Variants in DNAAF11 observed in about 807,000 individuals in gnomAD.
DNAAF11 encodes leucine rich repeat containing 6.
DNAAF11 carries 45 observed loss-of-function variants against 60.8 expected under a neutral mutation model. The observed-to-expected ratio is 0.74, with a 90% CI of 0.58 to 0.95. DNAAF11 has a LOEUF of 0.95. Ranked by LOEUF, DNAAF11 falls within the 40% of genes least tolerant of loss-of-function variation. The probability of loss-of-function intolerance (pLI) is 0.00; values close to 1 mark genes in which losing one functional copy is unlikely to be tolerated. For missense variants in DNAAF11, 546 were observed against 546.2 expected, an observed-to-expected ratio of 1.00 and a Z score of 0.00; for synonymous variants, 191 against 183.5, an observed-to-expected ratio of 1.04 and a Z score of -0.33.
At chr8:132,612,665 G>C (rs1210473039) in intron 8 of DNAAF11, among the ~76,000 whole-genome samples, 5 of 152,136 alleles carry the variant, frequency 3.3e-5, no homozygotes, top group Admixed American at 2.6e-4. Context: ...AGGAGATCAT[G>C]ACTGGGGAGA....
the DNAAF11 span, among the ~76,000 whole-genome samples, chr8:132,694,253 G>T: frequency 6.6e-6 from 1 of 152,190 alleles, no homozygotes; most frequent in Non-Finnish European, 1.5e-5. Flanking sequence ...GAAAGGAATT[G>T]TTGTGGACTC....
Position 132,637,971 on chromosome 8 carries a change from A to G in DNAAF11, c.393T>C (p.Tyr131=). 1.9e-6 allele frequency: 3 copies of G among 1,614,036 alleles called. No homozygotes were observed. Among genetic ancestry groups the G allele is most frequent in the Non-Finnish European group, 2.5e-6 (3 of 1,179,930 alleles). ...MGNPCASFDH[Y]REFVVATLPQ... is the part of the protein sequence containing the mutation. ...GAAGAGTTGCTACCACGAACTCCCTATAGTGGTCAAAGGAAGCACATGGGT... is the reference window on the plus strand; with the variant it reads ...GAAGAGTTGCTACCACGAACTCCCTGTAGTGGTCAAAGGAAGCACATGGGT... The change falls in exon 4 of 12, where the codon TAT becomes TAC. Residue 131 remains tyrosine, a synonymous_variant. Coordinates refer to ENST00000620350, the MANE Select transcript of DNAAF11 (RefSeq NM_012472.6).
chr8:132,680,535 A>G (rs1237683880), upstream of DNAAF11, among the ~76,000 whole-genome samples: 1 of 152,110 alleles, frequency 6.6e-6, no homozygotes, highest in Non-Finnish European at 1.5e-5. Context: ...TGTAACCAAT[A>G]TTGTGACTAG....
chr8:132,696,691 A>G, the DNAAF11 span, among the ~76,000 whole-genome samples: 1 of 152,228 alleles, frequency 6.6e-6, no homozygotes, highest in African/African-American at 2.4e-5. Context: ...CATATACACC[A>G]TGGAATACTA....
At chr8:132,572,595 G>A in intron 11 of DNAAF11, 115 bp from the exon 12 acceptor site, 1 of 645,220 alleles carries the variant, frequency 1.5e-6, no homozygotes, top group Non-Finnish European at 2.6e-6. Flanking sequence ...TATGCCTGGA[G>A]CACAGAAATA....
At chr8:132,692,652 A>C in the DNAAF11 span, among the ~76,000 whole-genome samples, 1 of 152,188 alleles carries the variant, frequency 6.6e-6, no homozygotes, top group African/African-American at 2.4e-5. Context: ...TGCCTTGTGA[A>C]GGTGCTCAAA....
chr8:132,619,159 G>A (rs1819500981), intron 7 of DNAAF11, among the ~76,000 whole-genome samples: 1 of 152,182 alleles, frequency 6.6e-6, no homozygotes, highest in African/African-American at 2.4e-5. Flanking sequence ...GGACACGGAT[G>A]AAACTGGAAA....
chr8:132,674,722 C>T (rs558704697), intron 1 of DNAAF11, among the ~76,000 whole-genome samples: 1 of 152,292 alleles, frequency 6.6e-6, no homozygotes, highest in African/African-American at 2.4e-5. Flanking sequence ...AACCCCGTCT[C>T]TACTAAGAAT....
At chr8:132,676,831 G>T (rs1296332446), upstream of DNAAF11, among the ~76,000 whole-genome samples, 2 of 152,144 alleles carry the variant, frequency 1.3e-5, no homozygotes, top group Non-Finnish European at 2.9e-5. Context: ...GAACTGAACT[G>T]GAAGAGTGGG....
At position 132,674,046 on chromosome 8, in the gene DNAAF11, A is replaced by AAGGAGCAGGAGGAGG. The variant is rs1349733182; in HGVS notation, c.10+1423_10+1437dup. Among the ~76,000 whole-genome samples the AAGGAGCAGGAGGAGG allele has an allele frequency of 8.1e-4, 83 of 102,004 alleles. 2 individuals carry two copies. Among genetic ancestry groups the AAGGAGCAGGAGGAGG allele is most frequent in the East Asian group, 3.5e-3 (11 of 3,140 alleles). 66.9% of individuals were successfully genotyped at this position (102,004 alleles called of 152,430 possible). On this transcript the variant is annotated intron_variant, in intron 1 of 11. Coordinates refer to ENST00000620350, the MANE Select transcript of DNAAF11 (RefSeq NM_012472.6). ...GAAGGAGCAGGAGGAGCAGGAGCAG[A>AAGGAGCAGGAGGAGG]AGGAGCAGGAGGAGGAGGAGCAGGA...
chr8:132,597,945 T>C (rs533898551), intron 10 of DNAAF11, among the ~76,000 whole-genome samples: 6 of 152,298 alleles, frequency 3.9e-5, no homozygotes, highest in African/African-American at 1.4e-4. Flanking sequence ...AGTAGAAATA[T>C]TGGGAACAAA....
chr8:132,661,562 G>A lies in DNAAF11; in HGVS notation c.76C>T (p.Leu26Phe). The change falls in exon 2 of 12, where the codon CTC becomes TTC. Residue 26 changes from leucine to phenylalanine, a missense_variant. Physicochemically the swap from Leu to Phe is conservative, Grantham distance 22 (BLOSUM62 0). Transcript: ENST00000620350. ...NDCVIFSLEE[L>F]SLHQQEIERL... is the part of the protein sequence containing the mutation. ...TCTATTTCTTGCTGATGCAACGAGA[G>A]TTCCTCCAGGGAAAAAATGACACAG... 1 of 1,613,970 alleles carries A rather than the reference G, an allele frequency of 6.2e-7. No individual in the cohort carries two copies. The highest frequency in any genetic ancestry group is 8.5e-7 in the Non-Finnish European group (1 of 1,179,900).
chr8:132,674,144 GGAA>G (rs1324290006), intron 1 of DNAAF11, among the ~76,000 whole-genome samples: 27 of 128,390 alleles, frequency 2.1e-4, no homozygotes, highest in South Asian at 5.1e-4. Context: ...AGAAGGAGGA[GGAA>G]GAGGAGGAGG....
the DNAAF11 span, among the ~76,000 whole-genome samples, chr8:132,685,684 G>C: frequency 6.6e-6 from 1 of 152,200 alleles, no homozygotes; most frequent in Non-Finnish European, 1.5e-5. Flanking sequence ...GCCCCTTCCA[G>C]CTTAGAGAGA....
rs560301482 is a variant in DNAAF11, at chr8:132,649,925, G to A, written c.256+6905C>T. On this transcript the variant is annotated intron_variant, in intron 3 of 11. Transcript: ENST00000620350. ...ACACTTCTACACTGTTAGTGGGACT[G>A]TAAACTAGTTCAACCATTGTGGAAG... Among the ~76,000 whole-genome samples, 3 of 152,338 alleles carry A rather than the reference G, an allele frequency of 2.0e-5. No homozygotes were observed. The South Asian group carries it at 6.2e-4, about 32-fold the overall frequency.
intron 10 of DNAAF11, among the ~76,000 whole-genome samples, chr8:132,599,765 G>A (rs940686902): frequency 6.6e-6 from 1 of 152,082 alleles, no homozygotes; most frequent in African/African-American, 2.4e-5. Flanking sequence ...GGTATTGATG[G>A]GACGTATCTC....
Position 132,645,241 on chromosome 8 carries a change from G to A in DNAAF11, c.257-7134C>T, listed in dbSNP as rs187909973. Among the ~76,000 whole-genome samples, 1,027 of 152,280 alleles carry A rather than the reference G, an allele frequency of 6.7e-3. 3 individuals carry two copies. Among genetic ancestry groups the A allele is most frequent in the Non-Finnish European group, 0.011 (766 of 68,026 alleles). Reference sequence around the variant, plus strand: ...AAACAGGGTCTGGAGTGGACCTCCAGCAAACTCCAACAGACCTGCAGCTGA... The same window carrying A: ...AAACAGGGTCTGGAGTGGACCTCCAACAAACTCCAACAGACCTGCAGCTGA... On this transcript the variant is annotated intron_variant, in intron 3 of 11. Transcript: ENST00000620350.
At chr8:132,611,188 C>T in intron 9 of DNAAF11, 106 bp downstream of exon 9, 1 of 765,078 alleles carries the variant, frequency 1.3e-6, no homozygotes, top group East Asian at 2.8e-5. Flanking sequence ...GCCACTGCGC[C>T]CGGGCCCTTT....
chr8:132,582,324 G>A (rs1815424947), intron 11 of DNAAF11, among the ~76,000 whole-genome samples: 1 of 152,220 alleles, frequency 6.6e-6, no homozygotes, highest in Non-Finnish European at 1.5e-5. Flanking sequence ...AATACCACAG[G>A]AGGGACTGCT....
Sources: allele counts gnomAD v4.1 joint callset (sites outside exome capture counted in the v4.1 genomes callset), GRCh38; gene constraint gnomAD v4.1.1; transcripts MANE v1.5; gene names NCBI Gene and HGNC (gene_info 2026-07-23, HGNC 2026-07-21).